The following CFAP20DC variants were observed in gnomAD, a reference collection of about 807,000 sequenced individuals.
CFAP20DC encodes the protein CFAP20 domain containing, also known as protein CFAP20DC.
CFAP20DC carries 84 observed loss-of-function variants against 101.7 expected under a neutral mutation model. The observed-to-expected ratio is 0.83, with a 90% CI of 0.69 to 0.99. The LOEUF (loss-of-function observed/expected upper bound fraction) is 0.99. CFAP20DC is among the 50% of genes least tolerant of loss of function. The probability of loss-of-function intolerance (pLI) is 0.00; values close to 1 mark genes in which losing one functional copy is unlikely to be tolerated. For synonymous variants in CFAP20DC, 359 were observed against 351.2 expected (o/e 1.02, Z -0.25); for missense variants, 1,007 against 970.3 (o/e 1.04, Z -0.50).
rs141655481 is a variant in CFAP20DC at position 58,894,125 on chromosome 3, G to A, written c.551-9416C>T. Among the ~76,000 whole-genome samples the A allele has an allele frequency of 4.4e-3, 677 of 152,256 alleles. 5 individuals are homozygous for A. The highest frequency in any genetic ancestry group is 0.016 in the African/African-American group (662 of 41,556). Reference sequence around the variant, plus strand: ...CCCACAACACGTGGGAATTCAAGATGAGACTTGGGTGAGGACACAGCCAAA... The same window carrying A: ...CCCACAACACGTGGGAATTCAAGATAAGACTTGGGTGAGGACACAGCCAAA... On this transcript the variant is annotated intron_variant, in intron 6 of 16. Transcript: ENST00000482387. This position sits in a 1 kb window ranked among gnomAD's most constrained non-coding sequence, Gnocchi z 4.1.
intron 15 of CFAP20DC, among the ~76,000 whole-genome samples, chr3:58,762,864 C>T (rs546490052): frequency 5.9e-5 from 9 of 152,104 alleles, no homozygotes; most frequent in African/African-American, 9.7e-5. Flanking sequence ...TGAATATTGG[C>T]CCCCACTCTC....
chr3:58,932,966 A>C (rs1368385028), intron 5 of CFAP20DC, among the ~76,000 whole-genome samples: 1 of 152,182 alleles, frequency 6.6e-6, no homozygotes. Context: ...CCAATTAAAA[A>C]ACACAGACTG....
At chr3:58,981,934 G>T (rs1468189364) in intron 4 of CFAP20DC, among the ~76,000 whole-genome samples, 4 of 152,154 alleles carry the variant, frequency 2.6e-5, no homozygotes, top group Non-Finnish European at 5.9e-5. Context: ...TACAAAATGG[G>T]AGAAAATTTT....
At chr3:58,741,205 C>T (rs554200379), downstream of CFAP20DC, among the ~76,000 whole-genome samples, 4 of 152,154 alleles carry the variant, frequency 2.6e-5, no homozygotes, top group African/African-American at 7.2e-5. Context: ...ACAAAATATG[C>T]CAGCTAATAT....
chr3:58,750,265 T>C (rs1318101722), intron 16 of CFAP20DC, among the ~76,000 whole-genome samples: 1 of 152,166 alleles, frequency 6.6e-6, no homozygotes, highest in South Asian at 2.1e-4. Flanking sequence ...GCAGAGTATA[T>C]TTCCCTGCTG....
At chr3:59,041,267 G>A (rs940623540) in intron 3 of CFAP20DC, among the ~76,000 whole-genome samples, 1 of 151,976 alleles carries the variant, frequency 6.6e-6, no homozygotes, top group African/African-American at 2.4e-5. Context: ...CACACATAGG[G>A]CATTTTTATA....
chr3:58,763,044 T>C (rs866249624), intron 15 of CFAP20DC, among the ~76,000 whole-genome samples: 4 of 152,158 alleles, frequency 2.6e-5, no homozygotes, highest in African/African-American at 9.7e-5. Flanking sequence ...AGGAGTATCT[T>C]TGTGGCGTTC....
At chr3:58,736,271 AGTTGGCTAAAAG>A (rs2067753380) in intron 3 of CFAP20DC, among the ~76,000 whole-genome samples, 1 of 152,188 alleles carries the variant, frequency 6.6e-6, no homozygotes, top group South Asian at 2.1e-4. Context: ...TCTTCAACTG[AGTTGGCTAAAAG>A]GTTTGTAAGT....
intron 4 of CFAP20DC, among the ~76,000 whole-genome samples, chr3:59,029,915 T>C (rs983317318): frequency 6.6e-6 from 1 of 152,182 alleles, no homozygotes; most frequent in African/African-American, 2.4e-5. Context: ...ACCTATCGAC[T>C]GAATGAACGA....
intron 15 of CFAP20DC, among the ~76,000 whole-genome samples, chr3:58,787,919 T>C (rs2072507832): frequency 6.7e-6 from 1 of 149,204 alleles, no homozygotes; most frequent in Non-Finnish European, 1.5e-5. Flanking sequence ...TTCTCACTCA[T>C]AAGTGGGAGT....
Position 59,015,237 on chromosome 3 carries a change from C to T in CFAP20DC, c.278+24320G>A, listed in dbSNP as rs2093664510. On this transcript the variant is annotated intron_variant, in intron 4 of 16. Transcript: ENST00000482387. This position sits in a 1 kb window ranked among gnomAD's most constrained non-coding sequence, Gnocchi z 5.4. ...TGATAGAACTAGCATTTACCATTTC[C>T]TGTGGCCCTCAGGCACCCACTTTCT... is the stretch of plus-strand genomic sequence containing the variant. 6.6e-6 allele frequency among the ~76,000 whole-genome samples: 1 copy of T among 152,068 alleles called. No individual in the cohort carries two copies. The highest frequency in any genetic ancestry group is 2.4e-5 in the African/African-American group (1 of 41,400).
chr3:58,920,052 A>G (rs1036413645), intron 5 of CFAP20DC, among the ~76,000 whole-genome samples: 2 of 149,646 alleles, frequency 1.3e-5, no homozygotes, highest in African/African-American at 4.9e-5. Flanking sequence ...TGCTGAATAC[A>G]AGTGGTTAGG....
At chr3:58,991,278 T>C (rs1258722895) in intron 4 of CFAP20DC, among the ~76,000 whole-genome samples, 1 of 152,174 alleles carries the variant, frequency 6.6e-6, no homozygotes, top group Non-Finnish European at 1.5e-5. Flanking sequence ...ACCAGATTTC[T>C]TCAGCTGTGA....
At chr3:58,842,202 C>T (rs62252040) in intron 13 of CFAP20DC, among the ~76,000 whole-genome samples, 3 of 152,204 alleles carry the variant, frequency 2.0e-5, no homozygotes. Context: ...CTACAGCTCC[C>T]AGCGTGAGCG....
At chr3:58,840,791 T>G (rs1458147643) in intron 13 of CFAP20DC, among the ~76,000 whole-genome samples, 1 of 152,244 alleles carries the variant, frequency 6.6e-6, no homozygotes, top group African/African-American at 2.4e-5. Flanking sequence ...ACATGCGCTA[T>G]CTAATTTTAC....
At chr3:58,946,764 G>T (rs1336907805) in intron 4 of CFAP20DC, among the ~76,000 whole-genome samples, 1 of 152,080 alleles carries the variant, frequency 6.6e-6, no homozygotes, top group East Asian at 1.9e-4. Flanking sequence ...TTGGTTGCTG[G>T]GAGTTTTAAT....
At chr3:58,888,695 T>C (rs1344977221) in intron 6 of CFAP20DC, among the ~76,000 whole-genome samples, 1 of 152,242 alleles carries the variant, frequency 6.6e-6, no homozygotes, top group Non-Finnish European at 1.5e-5. Flanking sequence ...CTGAGGATAA[T>C]GGCTTCCAGC....
intron 4 of CFAP20DC, among the ~76,000 whole-genome samples, chr3:58,952,507 A>G (rs1003876640): frequency 6.6e-6 from 1 of 152,218 alleles, no homozygotes; most frequent in Middle Eastern, 3.4e-3. Flanking sequence ...GTGGCTGTGG[A>G]TTGTTCATTG....
chr3:59,009,192 T>C (rs556148450), intron 4 of CFAP20DC, among the ~76,000 whole-genome samples: 84 of 151,856 alleles, frequency 5.5e-4, no homozygotes, highest in Non-Finnish European at 1.1e-3. Flanking sequence ...CAAAAATAAA[T>C]TCAAGAACAA....
Sources: allele counts gnomAD v4.1 joint callset (sites outside exome capture counted in the v4.1 genomes callset), GRCh38; gene constraint gnomAD v4.1.1; non-coding constraint Gnocchi (gnomAD v3.1); transcripts MANE v1.5; gene names NCBI Gene and HGNC (gene_info 2026-07-23, HGNC 2026-07-21).